Variants in CRY1 observed in about 807,000 individuals in gnomAD.
CRY1 encodes cryptochrome circadian regulator 1, also known as cryptochrome-1.
A neutral mutation model predicts 76.0 loss-of-function variants in CRY1; 45 were observed. The observed-to-expected ratio is 0.59, with a 90% CI of 0.47 to 0.76. The LOEUF is 0.76. Ranked by LOEUF, CRY1 falls within the 30% of genes least tolerant of loss-of-function variation. The pLI, the probability that CRY1 is intolerant of heterozygous loss-of-function variation, is 0.00. For missense variants in CRY1, 587 were observed against 716.4 expected, an observed-to-expected ratio of 0.82 and a Z score of 2.06; for synonymous variants, 248 against 244.0, an observed-to-expected ratio of 1.02 and a Z score of -0.15.
chr12:106,998,692 A>AC (rs35847830), intron 7 of CRY1, among the ~76,000 whole-genome samples: 5,442 of 150,936 alleles, frequency 0.036, 153 homozygotes, highest in African/African-American at 0.085. Flanking sequence ...ACACACACAC[A>AC]AGCTCAGAAA....
chr12:107,077,651 T>G (rs886648675), intron 1 of CRY1, among the ~76,000 whole-genome samples: 3 of 152,190 alleles, frequency 2.0e-5, no homozygotes, highest in Non-Finnish European at 4.4e-5. Flanking sequence ...TATCTATATA[T>G]TTTATTTATT....
chr12:107,090,081 CTTT>C (rs760511273), intron 1 of CRY1, among the ~76,000 whole-genome samples: 20 of 151,360 alleles, frequency 1.3e-4, no homozygotes, highest in African/African-American at 4.9e-4. Context: ...TTCCTTCTTT[CTTT>C]TTTTTCTTTT....
chr12:107,012,329 C>G (rs1952453733), intron 2 of CRY1, among the ~76,000 whole-genome samples: 1 of 152,172 alleles, frequency 6.6e-6, no homozygotes, highest in African/African-American at 2.4e-5. Flanking sequence ...CTCCTAGGTC[C>G]CTTGAGAACT....
chr12:107,001,273 A>T lies in CRY1; in HGVS notation c.684+7T>A, dbSNP rs756439148. On this transcript the variant is annotated splice_region_variant and intron_variant, in intron 5 of 12. Coordinates refer to ENST00000008527, the MANE Select transcript of CRY1 (RefSeq NM_004075.5). The stretch of plus-strand genomic sequence containing the variant: ...CAAGCATAGCTATATAATCTACATT[A>T]TCATACTTTTCTTTCCAAATGCCTT... 2.5e-6 allele frequency: 4 copies of T among 1,604,760 alleles called. No individual in the cohort carries two copies. The Admixed American group carries it at 6.7e-5, about 27-fold the overall frequency.
chr12:107,065,158 T>G (rs561871759), intron 1 of CRY1, among the ~76,000 whole-genome samples: 1 of 152,128 alleles, frequency 6.6e-6, no homozygotes, highest in Non-Finnish European at 1.5e-5. Context: ...CAGTCAGGCA[T>G]GGTGGCACGC....
At chr12:107,053,801 C>A (rs1014886994) in intron 1 of CRY1, among the ~76,000 whole-genome samples, 17 of 152,086 alleles carry the variant, frequency 1.1e-4, no homozygotes, top group African/African-American at 3.6e-4. Context: ...AACTTCAGAA[C>A]ATGTCAGAGA....
intron 1 of CRY1, among the ~76,000 whole-genome samples, chr12:107,083,140 AG>A (rs1442721456): frequency 6.6e-6 from 1 of 152,212 alleles, no homozygotes; most frequent in Admixed American, 6.5e-5. Flanking sequence ...AGACTAAACC[AG>A]GAAGAAGTCA....
intron 1 of CRY1, among the ~76,000 whole-genome samples, chr12:107,069,677 A>AG (rs1205238144): frequency 1.4e-5 from 2 of 143,396 alleles, no homozygotes; most frequent in African/African-American, 5.1e-5. Context: ...GTATATATAT[A>AG]TAAAGTATAT....
At chr12:107,027,894 C>A (rs751887303) in intron 1 of CRY1, among the ~76,000 whole-genome samples, 1 of 152,226 alleles carries the variant, frequency 6.6e-6, no homozygotes, top group Non-Finnish European at 1.5e-5. Flanking sequence ...ACAACATAAT[C>A]CTATTGCTGC....
chr12:107,003,109 T>A (rs140806393), intron 3 of CRY1, among the ~76,000 whole-genome samples: 83 of 152,338 alleles, frequency 5.4e-4, no homozygotes, highest in Non-Finnish European at 1.1e-3. Flanking sequence ...TACTTCCTAT[T>A]TTCTATTGTG....
intron 1 of CRY1, among the ~76,000 whole-genome samples, chr12:107,077,812 C>G (rs1228402099): frequency 6.6e-6 from 1 of 152,034 alleles, no homozygotes; most frequent in African/African-American, 2.4e-5. Context: ...CAACCTGAAT[C>G]ATTTCCCCCA....
chr12:107,000,182 G>A, intron 5 of CRY1, 100 bp from the exon 6 acceptor site: 1 of 1,215,934 alleles, frequency 8.2e-7, no homozygotes. Context: ...CATAGTTCTT[G>A]GGGAATAAAA....
At chr12:107,062,801 T>C (rs184112189) in intron 1 of CRY1, among the ~76,000 whole-genome samples, 84 of 152,340 alleles carry the variant, frequency 5.5e-4, no homozygotes, top group African/African-American at 1.9e-3. Context: ...TATTGTCAAA[T>C]AGCTTATTCT....
chr12:106,994,760 T>C (rs1952214999), intron 10 of CRY1, among the ~76,000 whole-genome samples: 2 of 152,228 alleles, frequency 1.3e-5, no homozygotes. Flanking sequence ...CCTTGGTTCC[T>C]AGCCCATTGC....
intron 1 of CRY1, among the ~76,000 whole-genome samples, chr12:107,069,663 T>C (rs1324699473): frequency 2.2e-5 from 3 of 137,686 alleles, no homozygotes; most frequent in African/African-American, 8.2e-5. Flanking sequence ...AAAGTATATA[T>C]AAAGTATATA....
At chr12:107,067,665 G>A (rs1452638873) in intron 1 of CRY1, among the ~76,000 whole-genome samples, 1 of 152,094 alleles carries the variant, frequency 6.6e-6, no homozygotes, top group African/African-American at 2.4e-5. Flanking sequence ...CCATGACTAG[G>A]AGTAAATAAC....
At chr12:107,008,648 C>A (rs1272685026) in intron 2 of CRY1, among the ~76,000 whole-genome samples, 1 of 152,110 alleles carries the variant, frequency 6.6e-6, no homozygotes, top group Non-Finnish European at 1.5e-5. Context: ...TTGTAGACTT[C>A]CTTTATCAAA....
chr12:107,022,299 C>T (rs1952568313), intron 1 of CRY1, 107 bp from the exon 2 acceptor site: 1 of 543,740 alleles, frequency 1.8e-6, no homozygotes, highest in South Asian at 3.3e-5. Context: ...AACCTATCAT[C>T]TTATTACCTC....
At chr12:107,078,608 G>C (rs79727801) in intron 1 of CRY1, among the ~76,000 whole-genome samples, 2 of 152,058 alleles carry the variant, frequency 1.3e-5, no homozygotes, top group East Asian at 3.9e-4. Context: ...ACTTATACAG[G>C]AATTATTCCC....
Sources: gnomAD v4.1 joint callset for allele counts (sites outside exome capture counted in the v4.1 genomes callset) on GRCh38, gnomAD v4.1.1 for gene constraint, MANE v1.5 for transcripts, NCBI Gene and HGNC (gene_info 2026-07-23, HGNC 2026-07-21) for gene names.